The following PDXDC1 variants were observed in gnomAD, a reference collection of about 807,000 sequenced individuals.
PDXDC1 encodes pyridoxal dependent decarboxylase domain containing 1.
PDXDC1 carries 42 observed loss-of-function variants against 100.1 expected under a neutral mutation model. The observed-to-expected ratio is 0.42, with a 90% confidence interval of 0.33 to 0.54. The LOEUF (loss-of-function observed/expected upper bound fraction) is 0.54. Ranked by LOEUF, PDXDC1 falls within the 20% of genes least tolerant of loss-of-function variation. The pLI is 0.10. For missense variants in PDXDC1, 636 were observed against 979.2 expected, an observed-to-expected ratio of 0.65 and a Z score of 4.68; for synonymous variants, 260 against 371.7, an observed-to-expected ratio of 0.70 and a Z score of 3.46.
chr16:15,024,647 G>A (rs1296653689), intron 13 of PDXDC1, among the ~76,000 whole-genome samples: 4 of 152,354 alleles, frequency 2.6e-5, no homozygotes, highest in East Asian at 1.9e-4. Flanking sequence ...TCTTGACCTC[G>A]TGATCCACCC....
intron 8 of PDXDC1, chr16:15,010,519 A>C (rs2041172232): frequency 6.5e-6 from 1 of 154,264 alleles, no homozygotes; most frequent in Admixed American, 6.5e-5. Flanking sequence ...TGACGTTGTA[A>C]GATTGTTGTA....
intron 16 of PDXDC1, chr16:15,093,936 C>G (rs868750480): frequency 2.7e-5 from 16 of 586,418 alleles, no homozygotes; most frequent in African/African-American, 2.5e-4. Context: ...GCCTCCAGAA[C>G]AGAGAACATA....
chr16:15,009,892 C>G (rs1272387495), intron 8 of PDXDC1, 133 bp downstream of exon 8: 2 of 1,497,662 alleles, frequency 1.3e-6, no homozygotes, highest in Non-Finnish European at 8.9e-7. Context: ...CACATTGTAG[C>G]AAAAACTGTA....
At chr16:15,145,996 G>C in the PDXDC1 span, among the ~76,000 whole-genome samples, 1 of 152,212 alleles carries the variant, frequency 6.6e-6, no homozygotes, top group East Asian at 1.9e-4. Context: ...CCACGAGCAG[G>C]GGGAGAGGCA....
At chr16:15,104,816 C>A in intron 16 of PDXDC1, 1 of 1,528,402 alleles carries the variant, frequency 6.5e-7, no homozygotes, top group Non-Finnish European at 8.7e-7. Flanking sequence ...ACAAAATTAC[C>A]GCCACCAACA....
intron 16 of PDXDC1, among the ~76,000 whole-genome samples, chr16:15,068,726 G>A (rs1567192141): frequency 6.6e-6 from 1 of 152,034 alleles, no homozygotes; most frequent in East Asian, 1.9e-4. Context: ...GTCATCTGTA[G>A]TTTTTTTTCT....
At chr16:15,075,250 CAAAAAAAA>C (rs56913254) in intron 16 of PDXDC1, among the ~76,000 whole-genome samples, 2 of 68,052 alleles carry the variant, frequency 2.9e-5, no homozygotes, top group African/African-American at 1.1e-4. Flanking sequence ...TGTGCCCCAC[CAAAAAAAA>C]AAAAAAAAAA....
the PDXDC1 span, among the ~76,000 whole-genome samples, chr16:15,144,578 C>T: frequency 1.3e-5 from 2 of 152,140 alleles, no homozygotes; most frequent in South Asian, 2.1e-4. Context: ...GTCCCGGACA[C>T]GGGGTGTGAG....
At chr16:15,020,479 A>G (rs2042104401) in intron 12 of PDXDC1, among the ~76,000 whole-genome samples, 1 of 151,652 alleles carries the variant, frequency 6.6e-6, no homozygotes, top group African/African-American at 2.4e-5. Flanking sequence ...TCATGAGGTC[A>G]GGAGATCAAG....
chr16:15,026,801 T>C (rs2042637491), intron 14 of PDXDC1, 95 bp downstream of exon 14: 1 of 1,269,222 alleles, frequency 7.9e-7, no homozygotes, highest in Non-Finnish European at 1.1e-6. Context: ...ATATTTTTAT[T>C]GCTGACAATC....
chr16:15,009,022 T>G (rs533469266), intron 7 of PDXDC1, among the ~76,000 whole-genome samples, 175 bp downstream of exon 7: 11 of 152,412 alleles, frequency 7.2e-5, no homozygotes, highest in Non-Finnish European at 1.5e-4. Flanking sequence ...TGAAGGTTGG[T>G]TGGTATATAG....
chr16:15,131,333 T>C lies in PDXDC1; in HGVS notation c.1400-7546T>C, dbSNP rs1405246770. ...TGGAACGCCATCGAGGCCACCTTGG[T>C]GGAGACGGTGTAGTTGCTGATATAG... is the stretch of plus-strand genomic sequence containing the variant. On this transcript the variant is annotated intron_variant, in intron 16 of 16. Coordinates refer to the PDXDC1 transcript ENST00000535621. 1.9e-6 allele frequency: 3 copies of C among 1,561,714 alleles called. No individual in the cohort carries two copies. The African/African-American group carries it at 4.0e-5, about 21-fold the overall frequency.
chr16:15,112,037 A>G (rs2047088349), intron 16 of PDXDC1, among the ~76,000 whole-genome samples: 1 of 147,124 alleles, frequency 6.8e-6, no homozygotes, highest in South Asian at 2.2e-4. Context: ...AGCTTCGTTG[A>G]GGCTGGTTTG....
At chr16:15,022,669 A>G (rs201445114) in intron 12 of PDXDC1, 35 bp from the exon 13 acceptor site, 148 of 1,603,102 alleles carry the variant, frequency 9.2e-5, no homozygotes, top group Non-Finnish European at 1.2e-4. Flanking sequence ...TCCCACGTCC[A>G]TCTAATTACA....
chr16:15,009,152 T>G (rs2041046331), intron 7 of PDXDC1, among the ~76,000 whole-genome samples: 5 of 152,404 alleles, frequency 3.3e-5, no homozygotes, highest in Non-Finnish European at 5.9e-5. Flanking sequence ...TTTAATGAGT[T>G]AGCACTGTTG....
At chr16:14,992,343 T>C (rs1373972671) in intron 1 of PDXDC1, among the ~76,000 whole-genome samples, 5 of 152,290 alleles carry the variant, frequency 3.3e-5, no homozygotes, top group Non-Finnish European at 7.3e-5. Context: ...ATAAAAGTCA[T>C]GAGGATATTT....
rs1297571313 is a variant in PDXDC1 at position 15,080,338 on chromosome 16, G to A, written c.1399+50282G>A. Reference sequence around the variant, plus strand: ...CTATAGGTTTTTAAGTAGCTGTATTGATAAAACTCATATATCATACAATCA... The same window carrying A: ...CTATAGGTTTTTAAGTAGCTGTATTAATAAAACTCATATATCATACAATCA... On this transcript the variant is annotated intron_variant, in intron 16 of 16. Coordinates refer to the PDXDC1 transcript ENST00000535621. Among the ~76,000 whole-genome samples, 3 of 152,248 alleles carry A rather than the reference G, an allele frequency of 2.0e-5. No homozygotes were observed. The East Asian group carries it at 5.8e-4, about 29-fold the overall frequency.
chr16:15,093,907 G>C, intron 16 of PDXDC1: 1 of 536,802 alleles, frequency 1.9e-6, no homozygotes, highest in Non-Finnish European at 3.2e-6. Context: ...ATCACGAAGA[G>C]ACACAGTCGG....
At chr16:15,110,704 A>G in intron 16 of PDXDC1, 1 of 1,587,166 alleles carries the variant, frequency 6.3e-7, no homozygotes, top group Non-Finnish European at 8.5e-7. Flanking sequence ...CACTATGGGG[A>G]CTCCAACAGA....
Sources: allele counts gnomAD v4.1 joint callset (sites outside exome capture counted in the v4.1 genomes callset), GRCh38; gene constraint gnomAD v4.1.1; transcripts MANE v1.5; gene names NCBI Gene and HGNC (gene_info 2026-07-23, HGNC 2026-07-21).